RELN: variants seen among roughly 807,000 people sequenced by gnomAD.
The protein encoded by RELN is reelin.
RELN carries 108 observed loss-of-function variants against 427.6 expected under a neutral mutation model. The ratio of observed to expected loss-of-function variants is 0.25; its 90% CI spans 0.22 to 0.30. The LOEUF (loss-of-function observed/expected upper bound fraction) is 0.30, where lower values mean the gene tolerates loss of function less well. RELN is among the 10% of genes least tolerant of loss of function. The pLI is 1.00. For synonymous variants in RELN, 1,524 were observed against 1,513.4 expected (o/e 1.01, Z -0.16); for missense variants, 3,715 against 4,302.8 (o/e 0.86, Z 3.82).
At chr7:103,903,045 T>C (rs1402748961) in intron 2 of RELN, among the ~76,000 whole-genome samples, 1 of 152,074 alleles carries the variant, frequency 6.6e-6, no homozygotes, top group Non-Finnish European at 1.5e-5. Context: ...AACTCATTCA[T>C]CATTATCTGG....
At position 103,551,102 on chromosome 7, in the gene RELN, C is replaced by T. The variant is rs1208965783; in HGVS notation, c.6267G>A (p.Arg2089=). ...GCAGCTTCCCAAAGTGCACGACCTC[C>T]CTCCTCCAGCCCTGCATGGTTCCTG... ...YYAGTMQGWR[R]EVVHFGKLHL... Residue 2089 remains arginine, a synonymous_variant, in exon 41 of 65, where the codon AGG becomes AGA. Coordinates refer to ENST00000428762, the MANE Select transcript of RELN (RefSeq NM_005045.4). 1.2e-6 allele frequency: 2 copies of T among 1,613,920 alleles called. No homozygotes were observed. Among genetic ancestry groups the T allele is most frequent in the Non-Finnish European group, 1.7e-6 (2 of 1,180,028 alleles).
Position 103,501,018 on chromosome 7 carries a change from C to A in RELN, c.8490-96G>T, listed in dbSNP as rs1829008930. ...TGTATTCAGTACTCAAGAGAAAAAACATTTAAGATACTCTTACTAGATGAA... is the reference window on the plus strand; with the variant it reads ...TGTATTCAGTACTCAAGAGAAAAAAAATTTAAGATACTCTTACTAGATGAA... On this transcript the variant is annotated intron_variant, in intron 52 of 64. Coordinates refer to ENST00000428762, the MANE Select transcript of RELN (RefSeq NM_005045.4). The A allele has an allele frequency of 5.5e-6, 6 of 1,086,334 alleles. No homozygotes were observed. In the South Asian group the frequency reaches 7.6e-5, roughly 14 times the overall value. The allele number at this position is 1,086,334 out of a possible 1,614,324, so 67.3% of individuals were successfully genotyped here.
chr7:103,678,768 T>C (rs1833593228), intron 11 of RELN, among the ~76,000 whole-genome samples: 2 of 152,190 alleles, frequency 1.3e-5, no homozygotes, highest in Non-Finnish European at 2.9e-5. Flanking sequence ...TAATTTTTTA[T>C]TTCTTAAAAA....
At chr7:103,665,356 GTGTGTGTATATA>G (rs1027063684) in intron 11 of RELN, among the ~76,000 whole-genome samples, 1 of 129,242 alleles carries the variant, frequency 7.7e-6, no homozygotes, top group African/African-American at 3.1e-5. Flanking sequence ...GTGTGTGTGT[GTGTGTGTATATA>G]TATATATATA....
intron 3 of RELN, among the ~76,000 whole-genome samples, chr7:103,803,885 T>C (rs1231816092): frequency 1.3e-5 from 2 of 152,096 alleles, no homozygotes; most frequent in Non-Finnish European, 2.9e-5. Flanking sequence ...TGGGGTTCAC[T>C]AGATATTTTT....
intron 4 of RELN, among the ~76,000 whole-genome samples, chr7:103,762,295 T>C (rs887557624): frequency 2.0e-5 from 3 of 152,218 alleles, no homozygotes; most frequent in African/African-American, 7.2e-5. Flanking sequence ...CTGCCAGCCC[T>C]AGACCATCTA....
chr7:103,893,371 G>A (rs1310807143), intron 2 of RELN, among the ~76,000 whole-genome samples: 1 of 152,076 alleles, frequency 6.6e-6, no homozygotes, highest in Non-Finnish European at 1.5e-5. Flanking sequence ...TAAAGTTCTT[G>A]TCACTTCCTT....
intron 17 of RELN, among the ~76,000 whole-genome samples, chr7:103,638,729 C>G (rs1832635749): frequency 6.6e-6 from 1 of 151,972 alleles, no homozygotes; most frequent in Non-Finnish European, 1.5e-5. Flanking sequence ...TCCATAAAAC[C>G]TCAGAAGGAG....
rs563489020 is a variant in RELN at position 103,838,166 on chromosome 7, G to A, written c.338-4494C>T. Among the ~76,000 whole-genome samples, 14 of 122,426 alleles carry A rather than the reference G, an allele frequency of 1.1e-4. No homozygotes were observed. The East Asian group carries it at 2.0e-3, about 18-fold the overall frequency. 80.3% of individuals were successfully genotyped at this position (122,426 alleles called of 152,430 possible). A position where few individuals can be genotyped will look rare whatever the true frequency, so the allele number is the denominator to read the frequency against. On this transcript the variant is annotated intron_variant, in intron 2 of 64. Transcript: ENST00000428762. ...GGAGCTTGCAGTGAGCCGAGATCACGCCACTGCACTCCAGCCTGGGCGACA... is the reference window on the plus strand; with the variant it reads ...GGAGCTTGCAGTGAGCCGAGATCACACCACTGCACTCCAGCCTGGGCGACA...
At position 103,988,621 on chromosome 7, in the gene RELN, T is replaced by G. The variant is rs1026861123; in HGVS notation, c.226+510A>C. Among the ~76,000 whole-genome samples, 1 of 152,136 alleles carries G rather than the reference T, an allele frequency of 6.6e-6. No individual in the cohort carries two copies. Among genetic ancestry groups the G allele is most frequent in the Non-Finnish European group, 1.5e-5 (1 of 68,012 alleles). ...TGAAATGCCAGGGACTCCTGGCTGG[T>G]GAGCAGCGGGAACTTTGCGGTCGAG... On this transcript the variant is annotated intron_variant, in intron 1 of 64. Coordinates refer to ENST00000428762, the MANE Select transcript of RELN (RefSeq NM_005045.4). The surrounding 1 kb of genome is among the most constrained non-coding windows in gnomAD (Gnocchi z 4.9).
At chr7:103,516,286 C>CT (rs3051646) in intron 49 of RELN, among the ~76,000 whole-genome samples, 61,031 of 140,984 alleles carry the variant, frequency 0.43, 16,602 homozygotes, top group African/African-American at 0.78. Context: ...CACAAAGTAT[C>CT]TTTTTTTTTT....
At position 103,545,207 on chromosome 7, in the gene RELN, T is replaced by G. The variant is rs1184255602; in HGVS notation, c.6440A>C (p.Lys2147Thr). ...NGQGSCINGTKCICDPGYSGP... is the reference protein window; with the variant it reads ...NGQGSCINGTTCICDPGYSGP... ...TGAGTAGCCAGGGTCACATATACATTTGGTTCCATTGATACAGCTCCCCTG... is the reference window on the plus strand; with the variant it reads ...TGAGTAGCCAGGGTCACATATACATGTGGTTCCATTGATACAGCTCCCCTG... Residue 2147 changes from lysine (K) to threonine (T), a missense_variant, in exon 42 of 65, where the codon AAA (lysine) becomes ACA (threonine). Physicochemically the swap from Lys to Thr is moderately conservative, Grantham distance 78. Transcript: ENST00000428762. The G allele has an allele frequency of 2.5e-6, 4 of 1,614,038 alleles. No homozygotes were observed. The Admixed American group carries it at 5.0e-5, about 20-fold the overall frequency.
intron 51 of RELN, among the ~76,000 whole-genome samples, chr7:103,503,881 C>A (rs1829117362): frequency 7.5e-6 from 1 of 133,110 alleles, no homozygotes; most frequent in African/African-American, 2.8e-5. Flanking sequence ...CAGAAACATC[C>A]AAATGTTCTT....
intron 60 of RELN, among the ~76,000 whole-genome samples, chr7:103,488,609 AT>A (rs773320332): frequency 6.6e-6 from 1 of 152,254 alleles, no homozygotes; most frequent in African/African-American, 2.4e-5. Context: ...CGACTCCAGA[AT>A]TCAAAAACAT....
intron 57 of RELN, among the ~76,000 whole-genome samples, chr7:103,494,960 G>T (rs1360062818): frequency 6.6e-6 from 1 of 151,974 alleles, no homozygotes. Context: ...GAGAGACAGC[G>T]GAAGGGAAGG....
At chr7:103,534,115 C>T (rs1829999504) in intron 46 of RELN, among the ~76,000 whole-genome samples, 1 of 152,140 alleles carries the variant, frequency 6.6e-6, no homozygotes, top group South Asian at 2.1e-4. Context: ...AAAAGTTATG[C>T]CCTAGATGAA....
chr7:103,742,453 C>T (rs538600616), intron 6 of RELN, among the ~76,000 whole-genome samples: 23 of 152,056 alleles, frequency 1.5e-4, no homozygotes, highest in East Asian at 9.7e-4. Context: ...AGGCTTCAGA[C>T]GATCAAACTA....
At chr7:103,962,019 T>C (rs1230088665) in intron 1 of RELN, among the ~76,000 whole-genome samples, 1 of 152,222 alleles carries the variant, frequency 6.6e-6, no homozygotes, top group Non-Finnish European at 1.5e-5. Context: ...GTTCTCTTTC[T>C]TCTTTCTGAA....
Position 103,540,332 on chromosome 7 carries a change from A to G in RELN, c.6795T>C (p.Leu2265=), listed in dbSNP as rs1386662588. The G allele has an allele frequency of 1.2e-6, 2 of 1,614,176 alleles. No individual in the cohort carries two copies. The highest frequency in any genetic ancestry group is 4.5e-5 in the East Asian group (2 of 44,876). ...GLSWSLLQEF[L]FSNSSNVGRY... ...TGCCCACATTGCTGGAATTGCTGAA[A>G]AGGAACTCCTGAAGAAGACTCCACG... is the stretch of plus-strand genomic sequence containing the variant. The change falls in exon 44 of 65, where the codon CTT becomes CTC. Residue 2265 remains leucine, a synonymous_variant. Transcript: ENST00000428762.
Sources: allele counts gnomAD v4.1 joint callset (sites outside exome capture counted in the v4.1 genomes callset), GRCh38; gene constraint gnomAD v4.1.1; non-coding constraint Gnocchi (gnomAD v3.1); transcripts MANE v1.5; gene names NCBI Gene and HGNC (gene_info 2026-07-23, HGNC 2026-07-21).